COL23A1: variants seen among roughly 807,000 people sequenced by gnomAD.
The protein encoded by COL23A1 is collagen alpha-1(XXIII) chain.
In COL23A1, 97 loss-of-function variants were observed where a neutral mutation model predicts 99.3. The observed-to-expected ratio is 0.98, with a 90% CI of 0.83 to 1.16. The LOEUF (loss-of-function observed/expected upper bound fraction) is 1.16. Ranked by LOEUF, COL23A1 falls within the 50% of genes most tolerant of loss-of-function variation. COL23A1 has a pLI of 0.00. For synonymous variants in COL23A1, 320 were observed against 308.2 expected, an observed-to-expected ratio of 1.04 and a Z score of -0.40; for missense variants, 762 against 757.4, an observed-to-expected ratio of 1.01 and a Z score of -0.07.
chr5:178,429,220 T>A (rs1766120158), intron 2 of COL23A1, among the ~76,000 whole-genome samples: 3 of 152,042 alleles, frequency 2.0e-5, no homozygotes. Context: ...CCGGGACTCA[T>A]CCAAGGTCAC....
At chr5:178,319,410 A>G (rs552458317) in intron 2 of COL23A1, among the ~76,000 whole-genome samples, 1 of 151,400 alleles carries the variant, frequency 6.6e-6, no homozygotes, top group Non-Finnish European at 1.5e-5. Context: ...TTTTTTTTTT[A>G]AACTTAAAAG....
chr5:178,573,250 C>T (rs973473522), intron 1 of COL23A1, among the ~76,000 whole-genome samples: 16 of 152,324 alleles, frequency 1.1e-4, no homozygotes, highest in East Asian at 7.7e-4. Context: ...TCCCAGGCTG[C>T]GGCTTCTACA....
At chr5:178,440,458 AATCT>A (rs2127838061) in intron 2 of COL23A1, among the ~76,000 whole-genome samples, 1 of 152,342 alleles carries the variant, frequency 6.6e-6, no homozygotes, top group Admixed American at 6.5e-5. Context: ...AGCAAAAATC[AATCT>A]CTCTCATTAG....
Position 178,449,430 on chromosome 5 carries a change from A to G in COL23A1, c.361+111252T>C, listed in dbSNP as rs574093482. Among the ~76,000 whole-genome samples the G allele has an allele frequency of 2.0e-5, 3 of 152,298 alleles. No individual in the cohort carries two copies. The East Asian group carries it at 5.8e-4, about 29-fold the overall frequency. On this transcript the variant is annotated intron_variant, in intron 2 of 28. Transcript: ENST00000390654. The stretch of plus-strand genomic sequence containing the variant: ...AAGAGGTTTCTGGCTCAGAGCCGCT[A>G]CAAACCGAGAGGTTTCTCGCTCACA...
Position 178,527,174 on chromosome 5 carries a change from C to CG in COL23A1, c.361+33507dup, listed in dbSNP as rs145742799. Among the ~76,000 whole-genome samples, 1,081 of 152,054 alleles carry CG rather than the reference C, an allele frequency of 7.1e-3. 9 individuals are homozygous for CG. Among genetic ancestry groups the CG allele is most frequent in the African/African-American group, 0.024 (1,014 of 41,438 alleles). On this transcript the variant is annotated intron_variant, in intron 2 of 28. Transcript: ENST00000390654. ...AGCAGGGCTCAGGGAGGCAGCAAGGCGGGGGGCCCTCGGTGAGGAGAGTGG... is the reference window on the plus strand; with the variant it reads ...AGCAGGGCTCAGGGAGGCAGCAAGGCGGGGGGGCCCTCGGTGAGGAGAGTGG...
intron 2 of COL23A1, among the ~76,000 whole-genome samples, chr5:178,403,137 A>AAAAAAAAAAAAAAAAAAC (rs1561940793): frequency 7.3e-6 from 1 of 137,060 alleles, no homozygotes. Context: ...TAAATAAAAA[A>AAAAAAAAAAAAAAAAAAC]TAAATACCAT....
chr5:178,339,448 T>C (rs1302150332), intron 2 of COL23A1, among the ~76,000 whole-genome samples: 1 of 152,206 alleles, frequency 6.6e-6, no homozygotes, highest in East Asian at 1.9e-4. Flanking sequence ...ACCTCCCTTG[T>C]TCAAGGCATT....
At position 178,280,027 on chromosome 5, in the gene COL23A1, G is replaced by A. The variant is rs1014146409; in HGVS notation, c.441+8297C>T. Among the ~76,000 whole-genome samples the A allele has an allele frequency of 3.3e-5, 5 of 152,238 alleles. No homozygotes were observed. The highest frequency in any genetic ancestry group is 7.3e-5 in the Non-Finnish European group (5 of 68,048). ...CGTATCCCAAATGCCGAAGCGCCTC[G>A]TACATAACGAGAACACAGTAAATAC... On this transcript the variant is annotated intron_variant, in intron 5 of 28. Coordinates refer to ENST00000390654, the MANE Select transcript of COL23A1 (RefSeq NM_173465.4). This position sits in a 1 kb window ranked among gnomAD's most constrained non-coding sequence, Gnocchi z 4.9.
In COL23A1 at chr5:178,387,556, A is replaced by G. The variant is rs2973735; in HGVS notation, c.362-80637T>C. Among the ~76,000 whole-genome samples the G allele has an allele frequency of 0.52, 78,776 of 151,950 alleles. 21,204 individuals carry two copies. The highest frequency in any genetic ancestry group is 0.66 in the African/African-American group (27,419 of 41,446). ...TGGGTATGCTCTGCACACTGCTCCA[A>G]GGGCTGCCCTCACAGCCGACTGTAT... On this transcript the variant is annotated intron_variant, in intron 2 of 28. Transcript: ENST00000390654. The surrounding 1 kb of genome is among the most constrained non-coding windows in gnomAD (Gnocchi z 4.7).
intron 2 of COL23A1, among the ~76,000 whole-genome samples, chr5:178,358,179 ATGTATGTGTATGTGTG>A (rs766088198): frequency 5.3e-4 from 71 of 133,962 alleles, no homozygotes; most frequent in Non-Finnish European, 8.8e-4. Context: ...GTGTATGTGT[ATGTATGTGTATGTGTG>A]TGCATGTGTA....
At chr5:178,239,410 C>T (rs1764273998) in intron 27 of COL23A1, among the ~76,000 whole-genome samples, 1 of 152,236 alleles carries the variant, frequency 6.6e-6, no homozygotes, top group East Asian at 1.9e-4. Flanking sequence ...TGTGTTCCCT[C>T]TGTGCTTTGT....
intron 2 of COL23A1, among the ~76,000 whole-genome samples, chr5:178,495,718 A>G (rs775415868): frequency 5.9e-5 from 9 of 152,172 alleles, no homozygotes; most frequent in Non-Finnish European, 1.2e-4. Context: ...GCAAGCTGCA[A>G]TATGAAAATA....
intron 12 of COL23A1, among the ~76,000 whole-genome samples, chr5:178,258,262 T>TATATATATATACACACAC: frequency 9.6e-6 from 1 of 104,064 alleles, no homozygotes; most frequent in Non-Finnish European, 2.2e-5. Flanking sequence ...TATATATATA[T>TATATATATATACACACAC]ACACATGCAA....
At chr5:178,576,294 A>G (rs373418715) in intron 1 of COL23A1, among the ~76,000 whole-genome samples, 206 of 152,018 alleles carry the variant, frequency 1.4e-3, no homozygotes, top group African/African-American at 4.5e-3. Flanking sequence ...GCTGGAGTCC[A>G]GTGGCATGAT....
Position 178,468,175 on chromosome 5 carries a change from C to G in COL23A1, c.361+92507G>C, listed in dbSNP as rs373972734. Among the ~76,000 whole-genome samples the G allele has an allele frequency of 2.0e-5, 3 of 152,032 alleles. No individual in the cohort carries two copies. The highest frequency in any genetic ancestry group is 1.3e-4 in the Admixed American group (2 of 15,286). On this transcript the variant is annotated intron_variant, in intron 2 of 28. Transcript: ENST00000390654. The surrounding 1 kb of genome is among the most constrained non-coding windows in gnomAD (Gnocchi z 4.2). The stretch of plus-strand genomic sequence containing the variant: ...GCTTTGGGGTGTGCTTGTGTGTTCA[C>G]GGAGGATGAACACACCCACCCAGAC...
chr5:178,530,165 A>G, intron 2 of COL23A1, among the ~76,000 whole-genome samples: 1 of 152,308 alleles, frequency 6.6e-6, no homozygotes, highest in South Asian at 2.1e-4. Context: ...TCTTCCCATC[A>G]AAAGGCAGAG....
chr5:178,570,125 T>C (rs78150111), intron 1 of COL23A1, among the ~76,000 whole-genome samples: 1 of 150,948 alleles, frequency 6.6e-6, no homozygotes, highest in South Asian at 2.1e-4. Context: ...TTTTTTTTTT[T>C]CCTTTGAAAC....
chr5:178,353,782 A>G (rs1206603102), intron 2 of COL23A1, among the ~76,000 whole-genome samples: 1 of 152,168 alleles, frequency 6.6e-6, no homozygotes, highest in East Asian at 1.9e-4. Context: ...GCAGGTCTAC[A>G]TCTAGGAATT....
In COL23A1 at chr5:178,387,703, C is replaced by T. The variant is rs1581281941; in HGVS notation, c.362-80784G>A. ...AAAGAACACACTCAGTAAATACACG[C>T]TGAGCTAATGAATGAACGAACGACA... On this transcript the variant is annotated intron_variant, in intron 2 of 28. Coordinates refer to ENST00000390654, the MANE Select transcript of COL23A1 (RefSeq NM_173465.4). This position sits in a 1 kb window ranked among gnomAD's most constrained non-coding sequence, Gnocchi z 4.7. 6.6e-6 allele frequency among the ~76,000 whole-genome samples: 1 copy of T among 152,208 alleles called. No individual in the cohort carries two copies. Among genetic ancestry groups the T allele is most frequent in the East Asian group, 1.9e-4 (1 of 5,200 alleles).
Sources: gnomAD v4.1 joint callset for allele counts (sites outside exome capture counted in the v4.1 genomes callset) on GRCh38, gnomAD v4.1.1 for gene constraint, Gnocchi (gnomAD v3.1) non-coding constraint, MANE v1.5 for transcripts, NCBI Gene and HGNC (gene_info 2026-07-23, HGNC 2026-07-21) for gene names.